Variants in HS6ST2 observed in about 807,000 individuals in gnomAD.
HS6ST2 encodes the protein heparan sulfate 6-O-sulfotransferase 2.
A neutral mutation model predicts 33.0 loss-of-function variants in HS6ST2; 17 were observed. That is an observed-to-expected ratio of 0.52 (90% CI 0.35 to 0.77). The LOEUF (loss-of-function observed/expected upper bound fraction) is 0.77, where lower values mean the gene tolerates loss of function less well. HS6ST2 is among the 30% of genes least tolerant of loss of function. HS6ST2 has a pLI of 0.01. For missense variants in HS6ST2, 519 were observed against 551.7 expected, an observed-to-expected ratio of 0.94 and a Z score of 0.59; for synonymous variants, 248 against 237.1, an observed-to-expected ratio of 1.05 and a Z score of -0.42.
At chrX:132,742,696 T>C (rs1239508938) in intron 2 of HS6ST2, among the ~76,000 whole-genome samples, 1 of 112,723 alleles carries the variant, frequency 8.9e-6, no homozygotes, top group Admixed American at 9.4e-5. Flanking sequence ...TATGCACCGA[T>C]TTAAGGAAAC....
At chrX:132,891,780 T>C (rs184807537) in intron 2 of HS6ST2, among the ~76,000 whole-genome samples, 1 of 112,092 alleles carries the variant, frequency 8.9e-6, no homozygotes, top group Non-Finnish European at 1.9e-5. Flanking sequence ...TAATCCAGTC[T>C]ATCATTGTTG....
chrX:132,680,622 G>T (rs975730318), intron 3 of HS6ST2, among the ~76,000 whole-genome samples: 1 of 111,332 alleles, frequency 9.0e-6, no homozygotes, highest in African/African-American at 3.3e-5. Context: ...TGGGCTCAAA[G>T]GAGAACAACA....
At chrX:132,810,382 G>A (rs1336078725) in intron 2 of HS6ST2, among the ~76,000 whole-genome samples, 1 of 107,542 alleles carries the variant, frequency 9.3e-6, no homozygotes, top group Non-Finnish European at 1.9e-5. Flanking sequence ...CTCCAGCCTG[G>A]GTGACAGTGA....
At chrX:132,957,455 C>T (rs1409885458) in intron 1 of HS6ST2, 129 bp from the exon 2 acceptor site, 5 of 770,345 alleles carry the variant, frequency 6.5e-6, no homozygotes, top group South Asian at 6.2e-5. Flanking sequence ...CCGAGTACTC[C>T]ACGGCGGCGG....
At chrX:132,670,968 G>A (rs2063869673) in intron 3 of HS6ST2, among the ~76,000 whole-genome samples, 1 of 112,137 alleles carries the variant, frequency 8.9e-6, no homozygotes, top group Non-Finnish European at 1.9e-5. Flanking sequence ...GAAATCCACT[G>A]GAATGAAGTG....
intron 2 of HS6ST2, among the ~76,000 whole-genome samples, chrX:132,722,187 CAAAAAAA>C (rs1217492848): frequency 2.3e-5 from 1 of 44,301 alleles, no homozygotes; most frequent in Non-Finnish European, 4.0e-5. Flanking sequence ...GACTCCGTCT[CAAAAAAA>C]AAAAAAAAAA....
chrX:132,689,877 A>AT (rs1206420014), intron 3 of HS6ST2, among the ~76,000 whole-genome samples: 1 of 77,966 alleles, frequency 1.3e-5, no homozygotes, highest in Non-Finnish European at 2.5e-5. Context: ...ACATTATGAG[A>AT]TTTTTTTCGC....
chrX:132,704,251 G>A (rs1388201903), intron 3 of HS6ST2, among the ~76,000 whole-genome samples: 1 of 112,379 alleles, frequency 8.9e-6, no homozygotes, highest in African/African-American at 3.2e-5. Flanking sequence ...ATGATAATAA[G>A]TGTCCAAAGA....
intron 2 of HS6ST2, among the ~76,000 whole-genome samples, chrX:132,823,853 AAATAATAATAAT>A (rs34008866): frequency 4.3e-5 from 4 of 92,516 alleles, no homozygotes; most frequent in Non-Finnish European, 8.5e-5. Flanking sequence ...ACTTCATAAA[AAATAATAATAAT>A]AATAATAATA....
intron 2 of HS6ST2, among the ~76,000 whole-genome samples, chrX:132,825,970 T>C (rs1482542365): frequency 1.8e-5 from 2 of 112,366 alleles, no homozygotes; most frequent in Non-Finnish European, 3.8e-5. Context: ...TTATACTTTG[T>C]CCAATGTCCC....
chrX:132,905,109 A>G (rs1034353000), intron 2 of HS6ST2, among the ~76,000 whole-genome samples: 1 of 111,406 alleles, frequency 9.0e-6, no homozygotes, highest in African/African-American at 3.3e-5. Context: ...GTTCTTCTCT[A>G]TGTATTCCAG....
At chrX:132,864,461 G>A (rs1354551739) in intron 2 of HS6ST2, among the ~76,000 whole-genome samples, 1 of 106,785 alleles carries the variant, frequency 9.4e-6, no homozygotes, top group Non-Finnish European at 1.9e-5. Context: ...GGATACACAA[G>A]TATAAACAGC....
At chrX:132,939,970 C>G (rs2066870449) in intron 2 of HS6ST2, among the ~76,000 whole-genome samples, 1 of 111,663 alleles carries the variant, frequency 9.0e-6, no homozygotes, top group Non-Finnish European at 1.9e-5. Flanking sequence ...CAATGAAATT[C>G]AAGGTGCCAA....
intron 2 of HS6ST2, among the ~76,000 whole-genome samples, chrX:132,856,002 T>A (rs1026877543): frequency 1.3e-4 from 15 of 111,375 alleles, no homozygotes; most frequent in African/African-American, 4.9e-4. Flanking sequence ...AAATTATGGG[T>A]CGAAAACAGA....
chrX:132,669,297 G>A, intron 3 of HS6ST2, 98 bp from the exon 4 acceptor site: 1 of 624,989 alleles, frequency 1.6e-6, no homozygotes, highest in South Asian at 3.3e-5. Context: ...AGGCCAGCCT[G>A]CATATCCCCC....
At chrX:132,696,967 C>A (rs1401554231) in intron 3 of HS6ST2, among the ~76,000 whole-genome samples, 5 of 111,998 alleles carry the variant, frequency 4.5e-5, no homozygotes, top group Non-Finnish European at 9.4e-5. Flanking sequence ...TTAATTTGAT[C>A]CACACCTTCC....
chrX:132,759,615 C>A (rs1481219532), intron 2 of HS6ST2, among the ~76,000 whole-genome samples: 1 of 111,239 alleles, frequency 9.0e-6, no homozygotes, highest in Admixed American at 9.6e-5. Context: ...ATGAGTGTCA[C>A]TAAATGCCAC....
chrX:132,851,950 G>A (rs535727862), intron 2 of HS6ST2, among the ~76,000 whole-genome samples: 1 of 111,350 alleles, frequency 9.0e-6, no homozygotes, highest in South Asian at 3.8e-4. Context: ...AGACCAGTCT[G>A]GGCAACACAG....
At chrX:132,958,039 G>A (rs1172987817) in intron 1 of HS6ST2, 136 bp downstream of exon 1, 1 of 610,413 alleles carries the variant, frequency 1.6e-6, no homozygotes, top group Non-Finnish European at 2.4e-6. Context: ...CACCCCTCCG[G>A]AGACCCTAGC....
Sources: allele counts gnomAD v4.1 joint callset (sites outside exome capture counted in the v4.1 genomes callset), GRCh38; gene constraint gnomAD v4.1.1; transcripts MANE v1.5; gene names NCBI Gene and HGNC (gene_info 2026-07-23, HGNC 2026-07-21).